The following VIPAS39 variants were observed in gnomAD, a reference collection of about 807,000 sequenced individuals.
The protein encoded by VIPAS39 is spermatogenesis-defective protein 39 homolog.
A neutral mutation model predicts 84.7 loss-of-function variants in VIPAS39; 63 were observed. The observed-to-expected ratio is 0.74, with a 90% confidence interval of 0.61 to 0.92. The LOEUF (loss-of-function observed/expected upper bound fraction) is 0.92. Among genes scored for constraint, VIPAS39 ranks in the 40% least tolerant of loss-of-function variants. VIPAS39 has a pLI of 0.00. For synonymous variants in VIPAS39, 192 were observed against 216.5 expected, an observed-to-expected ratio of 0.89 and a Z score of 0.99; for missense variants, 499 against 604.5, an observed-to-expected ratio of 0.83 and a Z score of 1.83.
intron 11 of VIPAS39, chr14:77,440,339 T>C (rs2078681891): frequency 6.6e-6 from 1 of 152,072 alleles, no homozygotes; most frequent in Non-Finnish European, 1.5e-5. Flanking sequence ...AATTTAATCT[T>C]AACACCTGGC....
chr14:77,428,174 C>T (rs918354475), intron 19 of VIPAS39, among the ~76,000 whole-genome samples, 196 bp downstream of exon 19: 1 of 152,186 alleles, frequency 6.6e-6, no homozygotes, highest in African/African-American at 2.4e-5. Context: ...CAGATTACCC[C>T]CCTATCATAC....
At chr14:77,432,067 G>C (rs911781337) in intron 16 of VIPAS39, among the ~76,000 whole-genome samples, 1 of 152,098 alleles carries the variant, frequency 6.6e-6, no homozygotes, top group Non-Finnish European at 1.5e-5. Context: ...TAATAGTACT[G>C]TACTGTAATC....
At chr14:77,455,165 C>G (rs1349318264) in intron 1 of VIPAS39, among the ~76,000 whole-genome samples, 2 of 152,122 alleles carry the variant, frequency 1.3e-5, no homozygotes, top group Non-Finnish European at 2.9e-5. Flanking sequence ...CAATTTTGCC[C>G]TGCAAAAACA....
chr14:77,453,773 T>C (rs965590410), intron 2 of VIPAS39, among the ~76,000 whole-genome samples: 3 of 151,910 alleles, frequency 2.0e-5, no homozygotes, highest in African/African-American at 4.8e-5. Context: ...TAAAAAAATA[T>C]ATATCACATA....
chr14:77,429,199 C>T (rs2078480482), intron 17 of VIPAS39, 104 bp from the exon 18 acceptor site: 1 of 962,776 alleles, frequency 1.0e-6, no homozygotes, highest in Non-Finnish European at 1.6e-6. Context: ...AGTTCAATAG[C>T]TAATGTTTCC....
chr14:77,440,138 G>A (rs574676141), intron 11 of VIPAS39: 20 of 151,548 alleles, frequency 1.3e-4, no homozygotes, highest in African/African-American at 4.1e-4. Flanking sequence ...TCCCACCTCA[G>A]CCTCCCAAGT....
At chr14:77,449,600 G>T in intron 5 of VIPAS39, 114 bp downstream of exon 5, 1 of 1,413,300 alleles carries the variant, frequency 7.1e-7, no homozygotes, top group Non-Finnish European at 1.0e-6. Flanking sequence ...AATGACAGTA[G>T]ATGCAGAAGA....
chr14:77,447,263 G>T lies in VIPAS39; in HGVS notation c.504+1231C>A, dbSNP rs1181789932. Among the ~76,000 whole-genome samples, 5 of 151,658 alleles carry T rather than the reference G, an allele frequency of 3.3e-5. No homozygotes were observed. The East Asian group carries it at 7.7e-4, about 23-fold the overall frequency. On this transcript the variant is annotated intron_variant, in intron 7 of 19. Coordinates refer to ENST00000557658, the MANE Select transcript of VIPAS39 (RefSeq NM_001193315.2). ...TGGTCTTAAACTCCCAACCTCAGGT[G>T]ATCTGCCTGTCTTGGCCTTCCAAAG...
Position 77,443,156 on chromosome 14 carries a change from C to T in VIPAS39, c.598-4G>A, listed in dbSNP as rs2078728657. 6.2e-7 allele frequency: 1 copy of T among 1,614,006 alleles called. No individual in the cohort carries two copies. Among genetic ancestry groups the T allele is most frequent in the Non-Finnish European group, 8.5e-7 (1 of 1,180,040 alleles). On this transcript the variant is annotated splice_region_variant and splice_polypyrimidine_tract_variant and intron_variant, in intron 8 of 19. Transcript: ENST00000557658. ...TCCTCTTCAGGAAAATCAGAACCTACAGGAAAAAAGAACAAAGACTGTGCA... is the reference window on the plus strand; with the variant it reads ...TCCTCTTCAGGAAAATCAGAACCTATAGGAAAAAAGAACAAAGACTGTGCA...
chr14:77,442,647 T>G lies in VIPAS39; in HGVS notation c.647A>C (p.Glu216Ala). Residue 216 changes from glutamate (E) to alanine (A), a missense_variant, in exon 10 of 20, where the codon GAG becomes GCG. Physicochemically the swap from Glu to Ala is moderately radical, Grantham distance 107. Coordinates refer to ENST00000557658, the MANE Select transcript of VIPAS39 (RefSeq NM_001193315.2). Reference protein sequence around the residue: ...RTLSKEILFRELEVRQVALRH... With the variant: ...RTLSKEILFRALEVRQVALRH... ...CAGGGCAACCTGTCGCACCTCCAGCTCTCGGAAGAGGATCTCTGTCAGACA... is the reference window on the plus strand; with the variant it reads ...CAGGGCAACCTGTCGCACCTCCAGCGCTCGGAAGAGGATCTCTGTCAGACA... 1 of 1,614,164 alleles carries G rather than the reference T, an allele frequency of 6.2e-7. No homozygotes were observed. The highest frequency in any genetic ancestry group is 1.7e-5 in the Admixed American group (1 of 60,024).
intron 16 of VIPAS39, among the ~76,000 whole-genome samples, chr14:77,430,187 G>A (rs2078498866): frequency 6.6e-6 from 1 of 152,232 alleles, no homozygotes; most frequent in East Asian, 1.9e-4. Context: ...AAGGGGGTGA[G>A]ATAGGAGTAG....
chr14:77,451,986 T>C (rs1316900928), intron 3 of VIPAS39, among the ~76,000 whole-genome samples: 1 of 152,204 alleles, frequency 6.6e-6, no homozygotes, highest in Non-Finnish European at 1.5e-5. Context: ...CTCTAAGAAT[T>C]GCTCTTTCAT....
intron 1 of VIPAS39, chr14:77,457,242 C>T (rs1374340191): frequency 3.9e-6 from 6 of 1,531,920 alleles, no homozygotes; most frequent in East Asian, 4.9e-5. Flanking sequence ...GTCGTCAGAG[C>T]CCAGCGGATC....
At chr14:77,446,843 G>C (rs1367498364) in intron 7 of VIPAS39, among the ~76,000 whole-genome samples, 1 of 152,056 alleles carries the variant, frequency 6.6e-6, no homozygotes, top group Middle Eastern at 3.4e-3. Context: ...ACAGGGTCTT[G>C]CTCTGTTGCC....
chr14:77,457,332 C>G (rs904812046), intron 1 of VIPAS39, 163 bp downstream of exon 1: 5 of 1,535,686 alleles, frequency 3.3e-6, no homozygotes, highest in Non-Finnish European at 4.4e-6. Flanking sequence ...AGCCCCAGTC[C>G]CAAGCGTACT....
rs181857719 is a variant in VIPAS39 at position 77,427,461 on chromosome 14, C to A, written c.*155G>T. 1.1e-5 allele frequency: 9 copies of A among 807,428 alleles called. No homozygotes were observed. The African/African-American group carries it at 1.4e-4, about 12-fold the overall frequency. The allele number at this position is 807,428 out of a possible 1,614,324, so 50.0% of individuals were successfully genotyped here. On this transcript the variant is annotated 3_prime_UTR_variant, in exon 20 of 20. Transcript: ENST00000557658. Reference sequence around the variant, plus strand: ...AGATGATGTTCCTTGGACAGAAGATCAGTCTGAAGTTATCTGTGTCAAGAG... The same window carrying A: ...AGATGATGTTCCTTGGACAGAAGATAAGTCTGAAGTTATCTGTGTCAAGAG...
At chr14:77,451,074 G>C in intron 4 of VIPAS39, 113 bp downstream of exon 4, 1 of 1,520,682 alleles carries the variant, frequency 6.6e-7, no homozygotes, top group Non-Finnish European at 9.1e-7. Flanking sequence ...CCTCCAATGA[G>C]AATGCTTTAC....
intron 11 of VIPAS39, 45 bp downstream of exon 11, chr14:77,441,021 A>G: frequency 6.2e-7 from 1 of 1,606,454 alleles, no homozygotes; most frequent in Admixed American, 1.7e-5. Context: ...CCCAGCCTAG[A>G]TTTCTGTTAA....
rs2078437924 is a variant in VIPAS39, at chr14:77,426,714, G to C, written c.*902C>G. 1 of 152,216 alleles carries C rather than the reference G, an allele frequency of 6.6e-6. No homozygotes were observed. Among genetic ancestry groups the C allele is most frequent in the South Asian group, 2.1e-4 (1 of 4,822 alleles). 9.4% of individuals were successfully genotyped at this position (152,216 alleles called of 1,614,324 possible). ...AGAAATACCTTTATTAGGAGTCTAG[G>C]CATGTCAGAAAAACCCAGTTCAGTC... On this transcript the variant is annotated 3_prime_UTR_variant, in exon 20 of 20. Coordinates refer to ENST00000557658, the MANE Select transcript of VIPAS39 (RefSeq NM_001193315.2).
Sources: allele counts gnomAD v4.1 joint callset (sites outside exome capture counted in the v4.1 genomes callset), GRCh38; gene constraint gnomAD v4.1.1; transcripts MANE v1.5; gene names NCBI Gene and HGNC (gene_info 2026-07-23, HGNC 2026-07-21).